Variants in SLC12A6 observed in about 807,000 individuals in gnomAD.
The protein encoded by SLC12A6 is K-Cl cotransporter 3.
Under a neutral mutation model 135.3 loss-of-function variants are expected in SLC12A6, and 66 were observed. The observed-to-expected ratio is 0.49, with a 90% CI of 0.40 to 0.60. SLC12A6 has a LOEUF of 0.60. Among genes scored for constraint, SLC12A6 ranks in the 20% least tolerant of loss-of-function variants. The pLI, the probability that SLC12A6 is intolerant of heterozygous loss-of-function variation, is 0.00. For synonymous variants in SLC12A6, 513 were observed against 508.8 expected (o/e 1.01, Z -0.11); for missense variants, 1,058 against 1,452.3 (o/e 0.73, Z 4.41).
chr15:34,252,453 G>T, intron 9 of SLC12A6, 69 bp from the exon 10 acceptor site: 2 of 916,162 alleles, frequency 2.2e-6, no homozygotes, highest in African/African-American at 1.7e-5. Flanking sequence ...AAGGAAACAG[G>T]TTAGTAAAGG....
Position 34,275,394 on chromosome 15 carries a change from AAAAC to A in SLC12A6, c.272-9_272-6del, listed in dbSNP as rs1446038806. ...TGATGGAGTTCTGACTCAGGTCTGA[AAAAC>A]AAACAATTGAAAAGAAAAGAAAAAA... is the stretch of plus-strand genomic sequence containing the variant. On this transcript the variant is annotated splice_region_variant and splice_polypyrimidine_tract_variant and intron_variant, in intron 2 of 25. Coordinates refer to ENST00000354181, the MANE Select transcript of SLC12A6 (RefSeq NM_001365088.1). The A allele has an allele frequency of 1.1e-5, 17 of 1,482,460 alleles. No individual in the cohort carries two copies. The highest frequency in any genetic ancestry group is 1.6e-5 in the Non-Finnish European group (17 of 1,060,932). 91.8% of individuals were successfully genotyped at this position (1,482,460 alleles called of 1,614,324 possible).
At chr15:34,255,560 G>C in intron 7 of SLC12A6, 168 bp from the exon 8 acceptor site, 1 of 519,728 alleles carries the variant, frequency 1.9e-6, no homozygotes, top group Non-Finnish European at 3.5e-6. Flanking sequence ...AAAGGTGAAA[G>C]TGTTATTGTG....
At chr15:34,242,709 T>A (rs903782972) in intron 16 of SLC12A6, among the ~76,000 whole-genome samples, 1 of 152,112 alleles carries the variant, frequency 6.6e-6, no homozygotes, top group African/African-American at 2.4e-5. Flanking sequence ...TAAATACTTA[T>A]TAGCATAACT....
intron 2 of SLC12A6, among the ~76,000 whole-genome samples, chr15:34,329,981 C>T (rs937847640): frequency 2.0e-5 from 3 of 152,112 alleles, no homozygotes; most frequent in African/African-American, 7.2e-5. Context: ...CCTGTAAATA[C>T]TTCAATATAT....
At chr15:34,332,912 G>A (rs902104958) in intron 2 of SLC12A6, among the ~76,000 whole-genome samples, 4 of 152,166 alleles carry the variant, frequency 2.6e-5, no homozygotes, top group African/African-American at 9.7e-5. Context: ...AATGATGCAA[G>A]AAAGAGCACT....
intron 2 of SLC12A6, among the ~76,000 whole-genome samples, chr15:34,327,047 A>G (rs1889517125): frequency 6.6e-6 from 1 of 151,776 alleles, no homozygotes. Flanking sequence ...TTATTCTTCA[A>G]CTTATTATTT....
intron 2 of SLC12A6, among the ~76,000 whole-genome samples, chr15:34,328,644 C>T (rs904102268): frequency 5.3e-5 from 8 of 152,096 alleles, no homozygotes; most frequent in Non-Finnish European, 7.3e-5. Context: ...TTTGGGAGGC[C>T]GAGATGGGCA....
intron 21 of SLC12A6, 122 bp downstream of exon 21, chr15:34,238,110 A>G: frequency 2.6e-6 from 2 of 759,224 alleles, no homozygotes; most frequent in Non-Finnish European, 4.6e-6. Flanking sequence ...AGCCTAGAAT[A>G]ACTTCCAACT....
chr15:34,318,967 T>C (rs1406775335), intron 2 of SLC12A6: 2 of 248,650 alleles, frequency 8.0e-6, no homozygotes, highest in Non-Finnish European at 1.3e-5. Context: ...TTAGCCTGCT[T>C]CCCAAAGCTG....
In SLC12A6 at chr15:34,252,183, A is replaced by C. The variant is rs774005926; in HGVS notation, c.1320T>G (p.Ser440Arg). 1 of 1,570,918 alleles carries C rather than the reference A, an allele frequency of 6.4e-7. No homozygotes were observed. The highest frequency in any genetic ancestry group is 1.4e-5 in the African/African-American group (1 of 74,024). ...TCCCTAACTTACCTGTAATTATACC[A>C]CTAGCCAATCCAGGAATGCCCTGGA... ...TSIQGIPGLA[S>R]GIITENLWSN... Residue 440 changes from serine (S) to arginine (R), a missense_variant, in exon 10 of 26, where the codon AGT (serine) becomes AGG (arginine). By Grantham distance (110) the Ser-to-Arg change is moderately radical. Coordinates refer to ENST00000354181, the MANE Select transcript of SLC12A6 (RefSeq NM_001365088.1).
intron 2 of SLC12A6, among the ~76,000 whole-genome samples, chr15:34,330,985 T>C (rs1251472513): frequency 1.3e-5 from 2 of 151,992 alleles, no homozygotes; most frequent in Admixed American, 6.6e-5. Context: ...GAGGTTGCAA[T>C]GAGTGGAGAC....
At chr15:34,289,939 T>C (rs1367769242) in intron 2 of SLC12A6, among the ~76,000 whole-genome samples, 1 of 152,212 alleles carries the variant, frequency 6.6e-6, no homozygotes, top group East Asian at 1.9e-4. Context: ...CCTGGATTCA[T>C]TGATTTTTTT....
At chr15:34,285,373 A>G (rs1894977406) in intron 2 of SLC12A6, among the ~76,000 whole-genome samples, 1 of 152,216 alleles carries the variant, frequency 6.6e-6, no homozygotes, top group Non-Finnish European at 1.5e-5. Context: ...ATGATTGGCT[A>G]CAGGGTGGGA....
chr15:34,290,166 TG>T (rs1895416176), intron 2 of SLC12A6, among the ~76,000 whole-genome samples: 1 of 152,246 alleles, frequency 6.6e-6, no homozygotes, highest in African/African-American at 2.4e-5. Context: ...CCAGAGATTC[TG>T]GTACGTTATG....
intron 6 of SLC12A6, among the ~76,000 whole-genome samples, chr15:34,257,050 T>G (rs2140740467): frequency 6.6e-6 from 1 of 152,240 alleles, no homozygotes; most frequent in East Asian, 1.9e-4. Flanking sequence ...AATATACAGG[T>G]AGGGTATAAA....
intron 2 of SLC12A6, among the ~76,000 whole-genome samples, chr15:34,296,025 G>A (rs1349989842): frequency 6.6e-6 from 1 of 152,110 alleles, no homozygotes; most frequent in African/African-American, 2.4e-5. Context: ...ACACAGTTTG[G>A]AATGTTGTGA....
intron 2 of SLC12A6, among the ~76,000 whole-genome samples, chr15:34,277,250 T>C (rs947885450): frequency 6.6e-5 from 10 of 152,180 alleles, no homozygotes; most frequent in East Asian, 1.9e-4. Context: ...CTGAGCAACA[T>C]AGTGAGACCG....
At chr15:34,295,874 C>T (rs144533433) in intron 2 of SLC12A6, among the ~76,000 whole-genome samples, 4,168 of 152,086 alleles carry the variant, frequency 0.027, 194 homozygotes, top group African/African-American at 0.095. Flanking sequence ...GTGGCACATG[C>T]GTGTAAGCCC....
At chr15:34,298,826 T>C (rs1196529763) in intron 2 of SLC12A6, among the ~76,000 whole-genome samples, 2 of 152,138 alleles carry the variant, frequency 1.3e-5, no homozygotes, top group African/African-American at 4.8e-5. Context: ...ATCTATTCCA[T>C]TGCACTGCCA....
Sources: allele counts gnomAD v4.1 joint callset (sites outside exome capture counted in the v4.1 genomes callset), GRCh38; gene constraint gnomAD v4.1.1; transcripts MANE v1.5; gene names NCBI Gene and HGNC (gene_info 2026-07-23, HGNC 2026-07-21).